Variants in RIMS2 observed in about 807,000 individuals in gnomAD.
RIMS2 encodes regulating synaptic membrane exocytosis 2.
In RIMS2, 59 loss-of-function variants were observed where a neutral mutation model predicts 174.4. That is an observed-to-expected ratio of 0.34 (90% CI 0.27 to 0.42). The LOEUF (loss-of-function observed/expected upper bound fraction) is 0.42. RIMS2 is among the 10% of genes least tolerant of loss of function. The pLI, the probability that RIMS2 is intolerant of heterozygous loss-of-function variation, is 1.00. For synonymous variants in RIMS2, 606 were observed against 572.5 expected (o/e 1.06, Z -0.84); for missense variants, 1,620 against 1,666.3 (o/e 0.97, Z 0.48).
At chr8:103,529,112 C>CT (rs1835631119) in intron 1 of RIMS2, among the ~76,000 whole-genome samples, 2 of 152,216 alleles carry the variant, frequency 1.3e-5, no homozygotes, top group Admixed American at 6.5e-5. Flanking sequence ...CTTCACGTCC[C>CT]TGTAAGTTGG....
At chr8:103,558,925 G>T (rs1365789587) in intron 1 of RIMS2, among the ~76,000 whole-genome samples, 2 of 152,030 alleles carry the variant, frequency 1.3e-5, no homozygotes. Flanking sequence ...GTTTTGTTTG[G>T]GTGGTGGAGA....
intron 1 of RIMS2, among the ~76,000 whole-genome samples, chr8:103,668,933 T>A (rs2096709810): frequency 6.6e-6 from 1 of 152,122 alleles, no homozygotes; most frequent in African/African-American, 2.4e-5. Context: ...AACATTGGAT[T>A]TATATTCTCT....
intron 1 of RIMS2, among the ~76,000 whole-genome samples, chr8:103,557,315 C>T (rs190199504): frequency 6.2e-4 from 94 of 152,258 alleles, no homozygotes; most frequent in Admixed American, 2.3e-3. Context: ...TTTTCAAAAG[C>T]CCTTTCAAGG....
chr8:103,607,780 C>CAACTA (rs1373158208), intron 1 of RIMS2, among the ~76,000 whole-genome samples: 55 of 135,284 alleles, frequency 4.1e-4, no homozygotes, highest in African/African-American at 1.6e-3. Context: ...CCCTTTCTTC[C>CAACTA]AGTTGATCGC....
chr8:103,660,733 C>T (rs935035847), intron 1 of RIMS2, among the ~76,000 whole-genome samples: 5 of 152,164 alleles, frequency 3.3e-5, no homozygotes, highest in Admixed American at 3.3e-4. Context: ...CAGAATCTTT[C>T]TCATACCTTA....
chr8:103,529,753 T>C (rs1343776105), intron 1 of RIMS2, among the ~76,000 whole-genome samples: 2 of 152,266 alleles, frequency 1.3e-5, no homozygotes, highest in African/African-American at 2.4e-5. Context: ...CTGTTCCTAT[T>C]CGGCCATCTT....
chr8:104,023,878 A>G (rs2154555319), intron 19 of RIMS2, among the ~76,000 whole-genome samples: 1 of 152,302 alleles, frequency 6.6e-6, no homozygotes, highest in African/African-American at 2.4e-5. Flanking sequence ...AAGCAACCAG[A>G]GATGAAAAAA....
intron 19 of RIMS2, 37 bp from the exon 22 acceptor site, chr8:104,041,288 CT>C: frequency 1.5e-6 from 1 of 654,288 alleles, no homozygotes; most frequent in Non-Finnish European, 2.8e-6. Context: ...CTCCCATCTC[CT>C]TTGTCTATGT....
chr8:104,140,823 A>G (rs1331895188), intron 19 of RIMS2, among the ~76,000 whole-genome samples: 2 of 152,276 alleles, frequency 1.3e-5, no homozygotes, highest in Non-Finnish European at 1.5e-5. Context: ...GAGTACAGAA[A>G]TGTTTGAACT....
chr8:103,562,745 C>T (rs954464305), intron 1 of RIMS2, among the ~76,000 whole-genome samples: 13 of 152,178 alleles, frequency 8.5e-5, no homozygotes, highest in African/African-American at 2.7e-4. Context: ...TCTCCACTGC[C>T]CTAACAGAGG....
chr8:103,746,837 C>G (rs1453019745), intron 2 of RIMS2, among the ~76,000 whole-genome samples: 1 of 152,012 alleles, frequency 6.6e-6, no homozygotes, highest in Non-Finnish European at 1.5e-5. Context: ...TGTGCCACCA[C>G]ACCCCGCTAA....
chr8:104,050,392 A>T (rs2096766238), intron 19 of RIMS2, among the ~76,000 whole-genome samples: 2 of 152,124 alleles, frequency 1.3e-5, no homozygotes, highest in African/African-American at 2.4e-5. Context: ...TAAAATTCTT[A>T]TGTAACCTAG....
chr8:104,075,527 T>G (rs2097272819), intron 19 of RIMS2, among the ~76,000 whole-genome samples: 1 of 152,232 alleles, frequency 6.6e-6, no homozygotes, highest in Non-Finnish European at 1.5e-5. Flanking sequence ...CAAGTAATCT[T>G]ATCTTGTACT....
intron 19 of RIMS2, among the ~76,000 whole-genome samples, chr8:104,237,760 C>T (rs2099266296): frequency 6.6e-6 from 1 of 152,016 alleles, no homozygotes; most frequent in Non-Finnish European, 1.5e-5. Flanking sequence ...AATGCAGAGC[C>T]TGGATTAGCC....
chr8:103,991,938 G>T (rs2154550702), intron 17 of RIMS2, among the ~76,000 whole-genome samples: 1 of 152,240 alleles, frequency 6.6e-6, no homozygotes, highest in Non-Finnish European at 1.5e-5. Flanking sequence ...GAGTTGTGTA[G>T]ATTAAATGAC....
downstream of RIMS2, chr8:104,252,694 A>G (rs1271092129): frequency 6.6e-6 from 1 of 152,244 alleles, no homozygotes; most frequent in Non-Finnish European, 1.5e-5. Context: ...GGCAGACATT[A>G]CAAATGGAAA....
intron 3 of RIMS2, among the ~76,000 whole-genome samples, chr8:103,806,641 C>G (rs1034952551): frequency 6.6e-6 from 1 of 151,182 alleles, no homozygotes; most frequent in Non-Finnish European, 1.5e-5. Context: ...TGTGGGCAAT[C>G]TTTGGTGGAG....
intron 17 of RIMS2, among the ~76,000 whole-genome samples, chr8:103,990,421 A>G (rs554451547): frequency 6.6e-6 from 1 of 152,228 alleles, no homozygotes; most frequent in East Asian, 1.9e-4. Context: ...AATTATATGT[A>G]AGAAGTTATT....
chr8:103,916,734 T>C (rs915171768), intron 8 of RIMS2, among the ~76,000 whole-genome samples, 197 bp downstream of exon 11: 6 of 152,114 alleles, frequency 3.9e-5, no homozygotes, highest in Non-Finnish European at 7.4e-5. Context: ...TGGTAGAATA[T>C]ATAGTTAATT....
Sources: gnomAD v4.1 joint callset for allele counts (sites outside exome capture counted in the v4.1 genomes callset) on GRCh38, gnomAD v4.1.1 for gene constraint, MANE v1.5 for transcripts, NCBI Gene and HGNC (gene_info 2026-07-23, HGNC 2026-07-21) for gene names.